Variants in CELF1 observed in about 807,000 individuals in gnomAD.
CELF1 encodes the protein CUGBP Elav-like family member 1.
In CELF1, 10 loss-of-function variants were observed where a neutral mutation model predicts 61.8. The ratio of observed to expected loss-of-function variants is 0.16; its 90% CI spans 0.10 to 0.27. The LOEUF (loss-of-function observed/expected upper bound fraction) is 0.27, where lower values mean the gene tolerates loss of function less well. CELF1 is among the 10% of genes least tolerant of loss of function. The pLI, the probability that CELF1 is intolerant of heterozygous loss-of-function variation, is 1.00. For synonymous variants in CELF1, 236 were observed against 225.1 expected, an observed-to-expected ratio of 1.05 and a Z score of -0.43; for missense variants, 380 against 639.1, an observed-to-expected ratio of 0.59 and a Z score of 4.37.
At chr11:47,501,234 TATTAAA>T (rs1412897313) in intron 1 of CELF1, among the ~76,000 whole-genome samples, 1 of 152,216 alleles carries the variant, frequency 6.6e-6, no homozygotes, top group East Asian at 1.9e-4. Context: ...TCTTCCACCC[TATTAAA>T]GCGGCAAAAA....
intron 2 of CELF1, among the ~76,000 whole-genome samples, chr11:47,561,267 A>AC (rs1250502609): frequency 6.9e-6 from 1 of 144,698 alleles, no homozygotes; most frequent in African/African-American, 2.6e-5. Context: ...ACACGGAGAA[A>AC]CCCATCTCTA....
intron 1 of CELF1, among the ~76,000 whole-genome samples, chr11:47,532,065 C>A (rs2096494077): frequency 6.6e-6 from 1 of 151,628 alleles, no homozygotes; most frequent in Non-Finnish European, 1.5e-5. Context: ...GAGTCTCGCT[C>A]TGTCGCCCAG....
At chr11:47,565,520 G>A, upstream of CELF1, 1 of 1,024,952 alleles carries the variant, frequency 9.8e-7, no homozygotes, top group Non-Finnish European at 1.2e-6. Context: ...GCCCGCGAGA[G>A]GCCTAGTGCA....
chr11:47,513,390 C>A (rs1565864221), intron 1 of CELF1, among the ~76,000 whole-genome samples: 1 of 151,604 alleles, frequency 6.6e-6, no homozygotes, highest in Non-Finnish European at 1.5e-5. Context: ...CATACTTGCA[C>A]TTCCTAGTTT....
At chr11:47,492,286 T>A (rs2091837547) in intron 3 of CELF1, among the ~76,000 whole-genome samples, 1 of 152,230 alleles carries the variant, frequency 6.6e-6, no homozygotes, top group South Asian at 2.1e-4. Context: ...TGGCCTATTT[T>A]CTTTTGAGTG....
chr11:47,505,936 CA>C (rs71457222), intron 1 of CELF1, among the ~76,000 whole-genome samples: 1,914 of 103,322 alleles, frequency 0.019, 39 homozygotes, highest in African/African-American at 0.064. Flanking sequence ...ACTCTGTCTC[CA>C]AAAAAAAAAA....
intron 11 of CELF1, 70 bp from the exon 12 acceptor site, chr11:47,477,029 A>G (rs2080530909): frequency 7.8e-7 from 1 of 1,289,538 alleles, no homozygotes; most frequent in South Asian, 1.2e-5. Flanking sequence ...AAAAAGTGTC[A>G]CTATCCAAGT....
intron 3 of CELF1, among the ~76,000 whole-genome samples, chr11:47,491,573 A>G (rs1334671636): frequency 1.3e-5 from 2 of 152,322 alleles, no homozygotes; most frequent in East Asian, 3.9e-4. Flanking sequence ...CCAATTCCTA[A>G]CCCTATATCT....
At chr11:47,560,994 C>T (rs1346104388) in intron 2 of CELF1, among the ~76,000 whole-genome samples, 1 of 150,846 alleles carries the variant, frequency 6.6e-6, no homozygotes, top group Non-Finnish European at 1.5e-5. Context: ...AAAAATTAGC[C>T]GGGCGTGGTG....
upstream of CELF1, chr11:47,553,240 T>A (rs945256403): frequency 2.6e-6 from 1 of 381,754 alleles, no homozygotes; most frequent in Non-Finnish European, 4.6e-6. Flanking sequence ...GCAGCGCCGA[T>A]GCGAGCGGAG....
Position 47,481,081 on chromosome 11 carries a change from GT to G in CELF1, c.768+1613del, listed in dbSNP as rs1198765451. ...GAAATACTAGCTAGGATAAACTGGG[GT>G]TTTTTTTTTTTTTCTTCTTCTTTTT... On this transcript the variant is annotated intron_variant, in intron 9 of 14. Coordinates refer to ENST00000687097, the MANE Select transcript of CELF1 (RefSeq NM_001376376.1). Among the ~76,000 whole-genome samples, 733 of 92,854 alleles carry G rather than the reference GT, an allele frequency of 7.9e-3. 9 individuals are homozygous for G. The highest frequency in any genetic ancestry group is 0.023 in the African/African-American group (680 of 29,030). The allele number at this position is 92,854 out of a possible 152,430, so 60.9% of individuals were successfully genotyped here.
intron 4 of CELF1, among the ~76,000 whole-genome samples, chr11:47,487,677 G>A (rs890571238): frequency 4.6e-5 from 7 of 152,196 alleles, no homozygotes; most frequent in African/African-American, 1.4e-4. Flanking sequence ...TCCCTACTTC[G>A]TAGCCAGATT....
intron 2 of CELF1, among the ~76,000 whole-genome samples, chr11:47,500,606 T>C (rs2093776156): frequency 6.6e-6 from 1 of 152,208 alleles, no homozygotes; most frequent in East Asian, 1.9e-4. Context: ...CATTCTCTTT[T>C]TCCTCCTTTA....
Position 47,473,079 on chromosome 11 carries a change from C to T in CELF1, c.1417+9G>A, listed in dbSNP as rs763651405. ...ATCCCATCCTGACACCAGAGAGAAGCCAACATACCAAAACACTTGCTCAGG... is the reference window on the plus strand; with the variant it reads ...ATCCCATCCTGACACCAGAGAGAAGTCAACATACCAAAACACTTGCTCAGG... On this transcript the variant is annotated intron_variant, in intron 14 of 14. Transcript: ENST00000687097. 1.2e-6 allele frequency: 2 copies of T among 1,612,794 alleles called. No individual in the cohort carries two copies. Among genetic ancestry groups the T allele is most frequent in the Non-Finnish European group, 1.7e-6 (2 of 1,179,422 alleles).
chr11:47,560,143 T>C (rs553923914), intron 2 of CELF1, among the ~76,000 whole-genome samples: 4 of 152,140 alleles, frequency 2.6e-5, no homozygotes, highest in Admixed American at 2.6e-4. Context: ...GTACAAACAT[T>C]AGCTGGGCGT....
At position 47,509,508 on chromosome 11, in the gene CELF1, G is replaced by A. The variant is rs371482404; in HGVS notation, c.-153-8576C>T. Among the ~76,000 whole-genome samples, 7 of 152,198 alleles carry A rather than the reference G, an allele frequency of 4.6e-5. No individual in the cohort carries two copies. The East Asian group carries it at 1.4e-3, about 29-fold the overall frequency. On this transcript the variant is annotated intron_variant, in intron 1 of 14. Coordinates refer to ENST00000687097, the MANE Select transcript of CELF1 (RefSeq NM_001376376.1). ...GTTTGAGGCTGTAGTGAGCTATGCT[G>A]GCACCACTGCACTCCAGCTTAGGCC...
intron 1 of CELF1, among the ~76,000 whole-genome samples, chr11:47,510,191 G>T (rs2094995011): frequency 6.6e-6 from 1 of 152,274 alleles, no homozygotes; most frequent in South Asian, 2.1e-4. Context: ...AACCTCATAA[G>T]AAGTTTTTTA....
At chr11:47,530,830 C>T (rs2096445942) in intron 1 of CELF1, among the ~76,000 whole-genome samples, 1 of 152,020 alleles carries the variant, frequency 6.6e-6, no homozygotes, top group South Asian at 2.1e-4. Context: ...TGGCATGTGC[C>T]TGTAGTGCCA....
At chr11:47,494,304 T>A (rs1003985891) in intron 3 of CELF1, 8 of 779,248 alleles carry the variant, frequency 1.0e-5, no homozygotes, top group African/African-American at 1.9e-5. Context: ...TTTCTACTAC[T>A]GGCAGCAGAA....
Sources: allele counts gnomAD v4.1 joint callset (sites outside exome capture counted in the v4.1 genomes callset), GRCh38; gene constraint gnomAD v4.1.1; transcripts MANE v1.5; gene names NCBI Gene and HGNC (gene_info 2026-07-23, HGNC 2026-07-21).